CLYBL: variants seen among roughly 807,000 people sequenced by gnomAD.
CLYBL encodes the protein citramalyl-CoA lyase, mitochondrial.
Under a neutral mutation model 38.9 loss-of-function variants are expected in CLYBL, and 31 were observed. That is an observed-to-expected ratio of 0.80 (90% CI 0.60 to 1.08). CLYBL has a LOEUF of 1.08. CLYBL is among the 50% of genes least tolerant of loss of function. CLYBL has a pLI of 0.00. For missense variants in CLYBL, 434 were observed against 411.6 expected (o/e 1.05, Z -0.47); for synonymous variants, 171 against 158.6 (o/e 1.08, Z -0.59).
intron 7 of CLYBL, among the ~76,000 whole-genome samples, chr13:99,875,588 TG>T (rs754705611): frequency 6.6e-6 from 1 of 152,210 alleles, no homozygotes; most frequent in Non-Finnish European, 1.5e-5. Context: ...CCAAAAATAT[TG>T]TTTCCGCTTA....
chr13:99,787,733 G>A (rs1031263203), intron 2 of CLYBL, among the ~76,000 whole-genome samples: 5 of 152,150 alleles, frequency 3.3e-5, no homozygotes, highest in Non-Finnish European at 7.3e-5. Context: ...CCAATTCTGT[G>A]AAGAAAGTCA....
At chr13:99,741,276 T>A (rs892738819) in intron 1 of CLYBL, among the ~76,000 whole-genome samples, 1 of 152,020 alleles carries the variant, frequency 6.6e-6, no homozygotes, top group African/African-American at 2.4e-5. Flanking sequence ...GGAAGTTTGG[T>A]GGTGTTGGGG....
chr13:99,672,516 AT>A (rs1451216357), intron 1 of CLYBL, among the ~76,000 whole-genome samples: 3 of 152,144 alleles, frequency 2.0e-5, no homozygotes, highest in Admixed American at 2.0e-4. Context: ...GCTCACACCG[AT>A]AATTCCAGCA....
In CLYBL at chr13:99,800,908, A is replaced by AC. The variant is rs1491575768; in HGVS notation, c.249+27898_249+27899insC. Reference sequence around the variant, plus strand: ...AACAACAACAACAAAAAAAAAAAACAAAAAAAAAAAAACGTAATTGGGTTT... The same window carrying AC: ...AACAACAACAACAAAAAAAAAAAACACAAAAAAAAAAAACGTAATTGGGTTT... On this transcript the variant is annotated intron_variant, in intron 2 of 8. Transcript: ENST00000339105. Among the ~76,000 whole-genome samples the AC allele has an allele frequency of 7.1e-3, 556 of 78,784 alleles. 10 individuals are homozygous for AC. Among genetic ancestry groups the AC allele is most frequent in the East Asian group, 0.06 (230 of 3,860 alleles). The allele number at this position is 78,784 out of a possible 152,430, so 51.7% of individuals were successfully genotyped here. A position where few individuals can be genotyped will look rare whatever the true frequency, so the allele number is the denominator to read the frequency against.
At chr13:99,858,168 G>A (rs904707962) in intron 2 of CLYBL, among the ~76,000 whole-genome samples, 7 of 152,114 alleles carry the variant, frequency 4.6e-5, no homozygotes, top group African/African-American at 1.7e-4. Flanking sequence ...CAGCCTTTCA[G>A]CTTTTCTGAA....
intron 2 of CLYBL, among the ~76,000 whole-genome samples, chr13:99,857,579 G>A (rs1340327456): frequency 1.3e-5 from 2 of 152,144 alleles, no homozygotes; most frequent in African/African-American, 2.4e-5. Flanking sequence ...CATCTGACCC[G>A]ACAACTCTAA....
chr13:99,617,152 A>G (rs2046724015), intron 1 of CLYBL, among the ~76,000 whole-genome samples: 2 of 152,066 alleles, frequency 1.3e-5, no homozygotes, highest in South Asian at 4.2e-4. Context: ...AATATTCAGA[A>G]CCCCAAATAT....
intron 2 of CLYBL, among the ~76,000 whole-genome samples, chr13:99,832,974 C>A (rs2050836566): frequency 8.3e-6 from 1 of 120,988 alleles, no homozygotes. Context: ...TGTCATATAT[C>A]ATTTCATTAA....
At chr13:99,881,646 C>CG (rs2052213907) in intron 7 of CLYBL, among the ~76,000 whole-genome samples, 1 of 149,302 alleles carries the variant, frequency 6.7e-6, no homozygotes. Context: ...AAGCTGGTCT[C>CG]GAACTCCTGG....
intron 7 of CLYBL, among the ~76,000 whole-genome samples, chr13:99,889,936 C>T (rs1343506999): frequency 1.3e-5 from 2 of 152,118 alleles, no homozygotes; most frequent in African/African-American, 4.8e-5. Flanking sequence ...ATTGCCCCAG[C>T]CACCCCCAGA....
chr13:99,720,198 G>A (rs1164904180), intron 1 of CLYBL, among the ~76,000 whole-genome samples: 1 of 150,556 alleles, frequency 6.6e-6, no homozygotes, highest in Non-Finnish European at 1.5e-5. Context: ...TTTTCTTTTG[G>A]TGATTACATT....
intron 1 of CLYBL, among the ~76,000 whole-genome samples, chr13:99,688,726 A>G (rs1213191199): frequency 6.6e-6 from 1 of 152,134 alleles, no homozygotes; most frequent in Non-Finnish European, 1.5e-5. Context: ...CAGCTCCTGC[A>G]TGGAATGGAG....
chr13:99,701,288 C>T (rs1179145704), intron 1 of CLYBL, among the ~76,000 whole-genome samples: 3 of 152,104 alleles, frequency 2.0e-5, no homozygotes, highest in Non-Finnish European at 4.4e-5. Context: ...AAGATAGCAG[C>T]AGCTGTGGGA....
intron 1 of CLYBL, among the ~76,000 whole-genome samples, chr13:99,674,142 CTTTTTTTT>C (rs1167068936): frequency 3.3e-4 from 17 of 51,158 alleles, no homozygotes; most frequent in East Asian, 7.0e-4. Context: ...TACTAGAATT[CTTTTTTTT>C]TTTTTTTTTT....
intron 1 of CLYBL, among the ~76,000 whole-genome samples, chr13:99,618,277 C>G (rs1352652200): frequency 1.4e-5 from 2 of 146,524 alleles, no homozygotes; most frequent in African/African-American, 2.5e-5. Context: ...ATCATTTTAA[C>G]TTTTTTTTTT....
intron 2 of CLYBL, among the ~76,000 whole-genome samples, chr13:99,790,289 G>A (rs1484220073): frequency 1.3e-5 from 2 of 152,202 alleles, no homozygotes; most frequent in African/African-American, 4.8e-5. Flanking sequence ...TTTCTTCCTA[G>A]CCTCAATGGT....
chr13:99,880,754 C>T (rs2139298844), intron 7 of CLYBL, among the ~76,000 whole-genome samples: 1 of 152,330 alleles, frequency 6.6e-6, no homozygotes, highest in Admixed American at 6.5e-5. Flanking sequence ...TGGAGCTGCC[C>T]CAGGAACACA....
At chr13:99,627,117 T>C (rs1380563628) in intron 1 of CLYBL, among the ~76,000 whole-genome samples, 1 of 152,022 alleles carries the variant, frequency 6.6e-6, no homozygotes, top group Non-Finnish European at 1.5e-5. Context: ...TCCGACACTT[T>C]TGAGAGGAAA....
At chr13:99,614,538 G>A (rs939301513) in intron 1 of CLYBL, among the ~76,000 whole-genome samples, 1 of 152,014 alleles carries the variant, frequency 6.6e-6, no homozygotes, top group African/African-American at 2.4e-5. Context: ...GGCTGGGCCC[G>A]AATTGGGAGC....
Sources: allele counts gnomAD v4.1 joint callset (sites outside exome capture counted in the v4.1 genomes callset), GRCh38; gene constraint gnomAD v4.1.1; transcripts MANE v1.5; gene names NCBI Gene and HGNC (gene_info 2026-07-23, HGNC 2026-07-21).